The following PLEKHG4B variants were observed in gnomAD, a reference collection of about 807,000 sequenced individuals.
PLEKHG4B encodes pleckstrin homology and RhoGEF domain containing G4B.
PLEKHG4B carries 111 observed loss-of-function variants against 121.3 expected under a neutral mutation model. That is an observed-to-expected ratio of 0.92 (90% CI 0.78 to 1.07). The LOEUF is 1.07. PLEKHG4B is among the 50% of genes least tolerant of loss of function. PLEKHG4B has a pLI of 0.00. For synonymous variants in PLEKHG4B, 738 were observed against 725.0 expected (o/e 1.02, Z -0.29); for missense variants, 1,831 against 1,757.8 (o/e 1.04, Z -0.74).
intron 9 of PLEKHG4B, among the ~76,000 whole-genome samples, chr5:155,657 G>A (rs543150071): frequency 2.6e-5 from 4 of 152,302 alleles, no homozygotes; most frequent in Admixed American, 2.0e-4. Context: ...AAGGAAAACC[G>A]TGCCACAGCA....
At chr5:132,608 TGTG>T (rs1283618568) in intron 2 of PLEKHG4B, among the ~76,000 whole-genome samples, 4 of 152,218 alleles carry the variant, frequency 2.6e-5, no homozygotes, top group African/African-American at 4.8e-5. Context: ...TTCTTCTACA[TGTG>T]GCTAGCCGAT....
rs145005216 is a variant in PLEKHG4B at position 162,915 on chromosome 5, C to T, written c.2843C>T (p.Pro948Leu). 13 of 1,543,362 alleles carry T rather than the reference C, an allele frequency of 8.4e-6. No homozygotes were observed. The African/African-American group carries it at 1.2e-4, about 15-fold the overall frequency. The change falls in exon 13 of 20, where the codon CCC (proline) becomes CTC (leucine). Residue 948 changes from proline to leucine, a missense_variant. Transcript: ENST00000637938. ...ASQQDLWLQY[P>L]QTRLRLEEAL... is the part of the protein sequence containing the mutation. ...CAGCAAGACCTGTGGCTGCAGTACC[C>T]CCAGACCCGGCTCCGTCTGGAAGAG...
intron 2 of PLEKHG4B, among the ~76,000 whole-genome samples, chr5:128,672 T>C (rs1013492399): frequency 6.6e-6 from 1 of 152,164 alleles, no homozygotes; most frequent in Non-Finnish European, 1.5e-5. Flanking sequence ...ACTCCAGAGT[T>C]CCAAAATAGT....
intron 1 of PLEKHG4B, among the ~76,000 whole-genome samples, chr5:102,653 C>T (rs1427490342): frequency 6.6e-6 from 1 of 152,166 alleles, no homozygotes; most frequent in Non-Finnish European, 1.5e-5. Flanking sequence ...CAGAGGCTGC[C>T]GTGCTTCCTG....
intron 18 of PLEKHG4B, among the ~76,000 whole-genome samples, chr5:177,808 C>T (rs1261073825): frequency 2.0e-5 from 3 of 152,256 alleles, no homozygotes; most frequent in East Asian, 1.9e-4. Context: ...GTGCACAGTG[C>T]GCACCTTTCC....
At chr5:160,826 C>A (rs945223855) in intron 11 of PLEKHG4B, among the ~76,000 whole-genome samples, 1 of 151,846 alleles carries the variant, frequency 6.6e-6, no homozygotes, top group South Asian at 2.1e-4. Context: ...GCGCCACCCC[C>A]ACTCTGCTCT....
intron 6 of PLEKHG4B, among the ~76,000 whole-genome samples, chr5:146,495 C>A (rs1431371152): frequency 6.9e-6 from 1 of 145,820 alleles, no homozygotes; most frequent in Admixed American, 6.8e-5. Context: ...CCCCTCCACA[C>A]AGTCCTCCCT....
chr5:167,066 G>A (rs533847480), intron 13 of PLEKHG4B, among the ~76,000 whole-genome samples: 4 of 152,328 alleles, frequency 2.6e-5, no homozygotes, highest in East Asian at 1.9e-4. Flanking sequence ...GCCGACCCCC[G>A]TGTGATTTCC....
chr5:127,202 G>A (rs1734643466), intron 2 of PLEKHG4B, among the ~76,000 whole-genome samples: 1 of 151,960 alleles, frequency 6.6e-6, no homozygotes, highest in Non-Finnish European at 1.5e-5. Flanking sequence ...GATTTTAAAG[G>A]CTGCTCTTTG....
intron 6 of PLEKHG4B, among the ~76,000 whole-genome samples, chr5:147,946 G>C (rs1044975347): frequency 3.9e-5 from 6 of 152,014 alleles, no homozygotes; most frequent in African/African-American, 1.4e-4. Context: ...CATGAAAACT[G>C]ATCAGTGTAA....
chr5:102,107 C>T (rs899288632), intron 1 of PLEKHG4B, among the ~76,000 whole-genome samples: 4 of 146,990 alleles, frequency 2.7e-5, no homozygotes, highest in Middle Eastern at 3.2e-3. Flanking sequence ...AGGGGAGAGA[C>T]TGTTGTGAGG....
chr5:171,063 C>T lies in PLEKHG4B; in HGVS notation c.3750C>T (p.Tyr1250=), dbSNP rs534470245. ...TCCAGGAAGAGCAGTTTGGGATGTA[C>T]GTGATCTACAGCAAAAACAAGCCGC... ...FLRHEEQFGM[Y]VIYSKNKPQS... The change falls in exon 15 of 20, where the codon TAC becomes TAT. Residue 1250 remains tyrosine (Y), a synonymous_variant. Coordinates refer to ENST00000637938, the MANE Select transcript of PLEKHG4B (RefSeq NM_052909.5). 10 of 1,612,706 alleles carry T rather than the reference C, an allele frequency of 6.2e-6. No individual in the cohort carries two copies. The East Asian group carries it at 6.7e-5, about 11-fold the overall frequency.
At position 162,893 on chromosome 5, in the gene PLEKHG4B, C is replaced by T. The variant is rs139425462; in HGVS notation, c.2821C>T (p.Gln941Ter). 150 of 1,531,664 alleles carry T rather than the reference C, an allele frequency of 9.8e-5. No individual in the cohort carries two copies. The highest frequency in any genetic ancestry group is 1.3e-4 in the Non-Finnish European group (146 of 1,138,680). 94.9% of individuals were successfully genotyped at this position (1,531,664 alleles called of 1,614,324 possible). A position where few individuals can be genotyped will look rare whatever the true frequency, so the allele number is the denominator to read the frequency against. The change falls in exon 13 of 20, where the codon CAA becomes TAA. Residue 941 changes from glutamine to a stop codon, truncating the protein, a stop_gained. Transcript: ENST00000637938. LOFTEE classifies it high-confidence loss of function. The stretch of plus-strand genomic sequence containing the variant: ...CCTGGGGAAACCGTGGGCATCACAG[C>T]AAGACCTGTGGCTGCAGTACCCCCA... Reference protein sequence around the residue: ...HALGKPWASQQDLWLQYPQTR... With the variant: ...HALGKPWASQ
rs373907419 is a variant in PLEKHG4B, at chr5:174,981, G to A, written c.4402+883G>A. Among the ~76,000 whole-genome samples, 13 of 152,084 alleles carry A rather than the reference G, an allele frequency of 8.5e-5. No individual in the cohort carries two copies. The South Asian group carries it at 1.4e-3, about 17-fold the overall frequency. On this transcript the variant is annotated intron_variant, in intron 18 of 19. Coordinates refer to ENST00000637938, the MANE Select transcript of PLEKHG4B (RefSeq NM_052909.5). ...CCATGGGCACCCAAGAGGCCCACCC[G>A]GTCTGGGGCACCTGGGGGCTCCTCG...
At chr5:181,889 A>G in intron 19 of PLEKHG4B, 115 bp from the exon 20 acceptor site, 3 of 1,336,460 alleles carry the variant, frequency 2.2e-6, no homozygotes, top group Admixed American at 2.0e-5. Context: ...TTGGATGGGC[A>G]TGACTGCAGT....
At chr5:112,067 C>CA (rs2126355445) in intron 1 of PLEKHG4B, among the ~76,000 whole-genome samples, 2 of 152,366 alleles carry the variant, frequency 1.3e-5, no homozygotes, top group African/African-American at 4.8e-5. Context: ...TGCATGAACT[C>CA]AGACTGTATT....
Position 182,033 on chromosome 5 carries a change from T to TCCTCCTCTGACCACGCCGCCC in PLEKHG4B, c.4598_4618dup (p.Ser1533_Pro1539dup). The TCCTCCTCTGACCACGCCGCCC allele has an allele frequency of 6.2e-7, 1 of 1,614,060 alleles. No individual in the cohort carries two copies. The highest frequency in any genetic ancestry group is 8.5e-7 in the Non-Finnish European group (1 of 1,179,998). On this transcript the variant is annotated inframe_insertion, in exon 20 of 20. Coordinates refer to ENST00000637938, the MANE Select transcript of PLEKHG4B (RefSeq NM_052909.5). ...ACAAATGAGAGGGTCCACAGCGGTG[T>TCCTCCTCTGACCACGCCGCCC]CCTCCTCTGACCACGCCGCCCCCTT...
rs1018435686 is a variant in PLEKHG4B, at chr5:181,890, T to C, written c.4565-114T>C. The C allele has an allele frequency of 8.2e-6, 11 of 1,337,896 alleles. No individual in the cohort carries two copies. In the Admixed American group the frequency reaches 2.1e-4, roughly 26 times the overall value. 82.9% of individuals were successfully genotyped at this position (1,337,896 alleles called of 1,614,324 possible). A position where few individuals can be genotyped will look rare whatever the true frequency, so the allele number is the denominator to read the frequency against. ...GCCGACATGGTGGGTTGGATGGGCA[T>C]GACTGCAGTGGCAAAGCCTGGTCGG... is the stretch of plus-strand genomic sequence containing the variant. On this transcript the variant is annotated intron_variant, in intron 19 of 19. Coordinates refer to ENST00000637938, the MANE Select transcript of PLEKHG4B (RefSeq NM_052909.5).
At position 143,111 on chromosome 5, in the gene PLEKHG4B, C is replaced by T. The variant is rs770037116; in HGVS notation, c.1542C>T (p.Ser514=). 47 of 1,612,762 alleles carry T rather than the reference C, an allele frequency of 2.9e-5. No individual in the cohort carries two copies. The highest frequency in any genetic ancestry group is 2.0e-4 in the East Asian group (9 of 44,896). The change falls in exon 4 of 20, where the codon AGC becomes AGT. Residue 514 remains serine, a synonymous_variant. Transcript: ENST00000637938. ...DGGSLHCHNP[S]GPSDVPARQP... ...GCAGCCTCCATTGCCACAACCCCAG[C>T]GGGCCTTCCGATGTGCCTGCCCGGC...
Sources: gnomAD v4.1 joint callset for allele counts (sites outside exome capture counted in the v4.1 genomes callset) on GRCh38, gnomAD v4.1.1 for gene constraint, MANE v1.5 for transcripts, NCBI Gene and HGNC (gene_info 2026-07-23, HGNC 2026-07-21) for gene names.